NALF1: variants seen among roughly 807,000 people sequenced by gnomAD.
NALF1 encodes the protein NALCN channel auxiliary factor 1, also known as family with sequence similarity 155 member A.
A neutral mutation model predicts 48.4 loss-of-function variants in NALF1; 3 were observed. That is an observed-to-expected ratio of 0.06 (90% CI 0.03 to 0.16). The LOEUF (loss-of-function observed/expected upper bound fraction) is 0.16. Among genes scored for constraint, NALF1 ranks in the 10% least tolerant of loss-of-function variants. The pLI is 1.00. For synonymous variants in NALF1, 262 were observed against 245.7 expected (o/e 1.07, Z -0.62); for missense variants, 526 against 571.5 (o/e 0.92, Z 0.81).
chr13:107,819,608 A>T (rs1263411897), intron 1 of NALF1, among the ~76,000 whole-genome samples: 1 of 152,088 alleles, frequency 6.6e-6, no homozygotes, highest in Non-Finnish European at 1.5e-5. Flanking sequence ...CTAGATTTAA[A>T]TGACTTAAAG....
At chr13:107,800,084 G>A (rs560676645) in intron 1 of NALF1, among the ~76,000 whole-genome samples, 12 of 152,190 alleles carry the variant, frequency 7.9e-5, no homozygotes, top group South Asian at 6.2e-4. Flanking sequence ...TGAAATCTCC[G>A]CACTTAAGGA....
chr13:107,650,066 T>A (rs184311975), intron 1 of NALF1, among the ~76,000 whole-genome samples: 74 of 152,334 alleles, frequency 4.9e-4, no homozygotes, highest in Non-Finnish European at 8.2e-4. Context: ...CTGCTGATTC[T>A]CCCATTTTCA....
At chr13:107,253,709 C>A (rs1351866627) in intron 1 of NALF1, among the ~76,000 whole-genome samples, 2 of 152,174 alleles carry the variant, frequency 1.3e-5, no homozygotes, top group African/African-American at 4.8e-5. Context: ...TCCAGCCACA[C>A]GGGTCTTCTC....
At chr13:107,670,382 G>A (rs1880963485) in intron 1 of NALF1, among the ~76,000 whole-genome samples, 1 of 152,192 alleles carries the variant, frequency 6.6e-6, no homozygotes, top group East Asian at 1.9e-4. Flanking sequence ...TTCAAGAAAA[G>A]GGAACATAAG....
chr13:107,817,450 T>C (rs549315457), intron 1 of NALF1, among the ~76,000 whole-genome samples: 32 of 152,294 alleles, frequency 2.1e-4, no homozygotes, highest in Admixed American at 1.9e-3. Flanking sequence ...TAAAGAAACA[T>C]ACTGTGATAT....
chr13:107,726,626 TC>T (rs67779885), intron 1 of NALF1, among the ~76,000 whole-genome samples: 99,074 of 126,884 alleles, frequency 0.78, 37,700 homozygotes, highest in Middle Eastern at 0.83. Flanking sequence ...TTTTTTTTTT[TC>T]CAGATGGAGT....
At chr13:107,376,321 A>G (rs1383004009) in intron 1 of NALF1, among the ~76,000 whole-genome samples, 1 of 152,114 alleles carries the variant, frequency 6.6e-6, no homozygotes, top group African/African-American at 2.4e-5. Context: ...TTGTGAAGCG[A>G]TAGATAGGTG....
intron 1 of NALF1, among the ~76,000 whole-genome samples, chr13:107,722,191 C>T (rs866880541): frequency 3.3e-5 from 5 of 151,980 alleles, no homozygotes; most frequent in Middle Eastern, 3.2e-3. Context: ...AAGCAGTATG[C>T]GTCACTCATA....
At chr13:107,391,889 C>T (rs1311791286) in intron 1 of NALF1, among the ~76,000 whole-genome samples, 3 of 152,058 alleles carry the variant, frequency 2.0e-5, no homozygotes, top group African/African-American at 7.2e-5. Flanking sequence ...GGCACATGTT[C>T]TCTGGACCTC....
At chr13:107,380,109 C>G (rs183135177) in intron 1 of NALF1, among the ~76,000 whole-genome samples, 6 of 152,048 alleles carry the variant, frequency 3.9e-5, no homozygotes, top group African/African-American at 1.2e-4. Flanking sequence ...GTAATAGCAT[C>G]TTTTATAGTT....
Position 107,764,318 on chromosome 13 carries a change from T to C in NALF1, c.915+101364A>G, listed in dbSNP as rs74115903. Among the ~76,000 whole-genome samples, 593 of 152,270 alleles carry C rather than the reference T, an allele frequency of 3.9e-3. 6 individuals are homozygous for C. The highest frequency in any genetic ancestry group is 0.014 in the Middle Eastern group (4 of 294). ...ATTACTTATTTCAAAATTAAGTAGCTGATATGTTTGTATACGTGATGTTGC... is the reference window on the plus strand; with the variant it reads ...ATTACTTATTTCAAAATTAAGTAGCCGATATGTTTGTATACGTGATGTTGC... On this transcript the variant is annotated intron_variant, in intron 1 of 2. Coordinates refer to ENST00000375915, the MANE Select transcript of NALF1 (RefSeq NM_001080396.3).
chr13:107,457,898 C>G (rs1884850261), intron 1 of NALF1, among the ~76,000 whole-genome samples: 1 of 152,182 alleles, frequency 6.6e-6, no homozygotes, highest in Non-Finnish European at 1.5e-5. Flanking sequence ...GCAAACAGAG[C>G]TGTTGCTTCC....
At chr13:107,587,200 A>G (rs983053877) in intron 1 of NALF1, among the ~76,000 whole-genome samples, 5 of 152,078 alleles carry the variant, frequency 3.3e-5, no homozygotes, top group African/African-American at 1.2e-4. Flanking sequence ...TCAGGAAGGG[A>G]ACACAGACCT....
intron 1 of NALF1, among the ~76,000 whole-genome samples, chr13:107,279,380 C>T (rs560059124): frequency 2.6e-5 from 4 of 152,226 alleles, no homozygotes; most frequent in African/African-American, 9.6e-5. Flanking sequence ...CTCAGCCTCC[C>T]GAGTAGCTGG....
chr13:107,529,876 A>G (rs1219936591), intron 1 of NALF1, among the ~76,000 whole-genome samples: 1 of 152,026 alleles, frequency 6.6e-6, no homozygotes, highest in Admixed American at 6.6e-5. Context: ...ACAATGCTTG[A>G]CATCCCTTCA....
At position 107,564,279 on chromosome 13, in the gene NALF1, T is replaced by C. The variant is rs767676333; in HGVS notation, c.915+301403A>G. ...AATGATTCTAACTTTATTTTTTTGT[T>C]TGTATATGTGTGCATGAAAGTGAGA... On this transcript the variant is annotated intron_variant, in intron 1 of 2. Coordinates refer to ENST00000375915, the MANE Select transcript of NALF1 (RefSeq NM_001080396.3). Among the ~76,000 whole-genome samples the C allele has an allele frequency of 1.4e-3, 213 of 152,346 alleles. 1 individual carries two copies. The highest frequency in any genetic ancestry group is 5.9e-4 in the Non-Finnish European group (40 of 68,032).
chr13:107,721,218 A>G (rs1301006153), intron 1 of NALF1, among the ~76,000 whole-genome samples: 4 of 152,092 alleles, frequency 2.6e-5, no homozygotes, highest in Non-Finnish European at 5.9e-5. Context: ...TGCTCTGTGT[A>G]TCATGCACCA....
At chr13:107,258,671 A>G (rs1880869108) in intron 1 of NALF1, among the ~76,000 whole-genome samples, 1 of 152,208 alleles carries the variant, frequency 6.6e-6, no homozygotes, top group Non-Finnish European at 1.5e-5. Context: ...CACTAACGAC[A>G]TTGCACGAAG....
At chr13:107,630,909 T>C (rs952701769) in intron 1 of NALF1, among the ~76,000 whole-genome samples, 2 of 152,210 alleles carry the variant, frequency 1.3e-5, no homozygotes, top group African/African-American at 4.8e-5. Flanking sequence ...GCCTTTTTAA[T>C]CTAGGGACCT....
Sources: gnomAD v4.1 joint callset for allele counts (sites outside exome capture counted in the v4.1 genomes callset) on GRCh38, gnomAD v4.1.1 for gene constraint, MANE v1.5 for transcripts, NCBI Gene and HGNC (gene_info 2026-07-23, HGNC 2026-07-21) for gene names.